The following CTNNA3 variants were observed in gnomAD, a reference collection of about 807,000 sequenced individuals.
CTNNA3 encodes the protein catenin alpha-3.
A neutral mutation model predicts 95.7 loss-of-function variants in CTNNA3; 76 were observed. The ratio of observed to expected loss-of-function variants is 0.79; its 90% confidence interval spans 0.66 to 0.96. The LOEUF is 0.96. CTNNA3 is among the 40% of genes least tolerant of loss of function. CTNNA3 has a pLI of 0.00. For synonymous variants in CTNNA3, 431 were observed against 374.4 expected (o/e 1.15, Z -1.74); for missense variants, 1,191 against 1,089.8 (o/e 1.09, Z -1.31).
At chr10:66,835,319 G>A (rs371661203) in intron 7 of CTNNA3, among the ~76,000 whole-genome samples, 59 of 152,126 alleles carry the variant, frequency 3.9e-4, no homozygotes, top group Non-Finnish European at 6.9e-4. Flanking sequence ...CAAGGGTGGC[G>A]CCTGGACCAG....
chr10:66,987,077 C>A (rs911783624), intron 7 of CTNNA3, among the ~76,000 whole-genome samples: 3 of 152,096 alleles, frequency 2.0e-5, no homozygotes, highest in Non-Finnish European at 4.4e-5. Flanking sequence ...GTGCAAAAGT[C>A]CCGACGTGAA....
chr10:66,552,091 G>T (rs1320831146), intron 10 of CTNNA3, among the ~76,000 whole-genome samples: 1 of 151,758 alleles, frequency 6.6e-6, no homozygotes, highest in Admixed American at 6.6e-5. Context: ...TTTTAGGAGA[G>T]ACGGGGTTTC....
At chr10:66,541,395 A>AT (rs1263313894) in intron 10 of CTNNA3, among the ~76,000 whole-genome samples, 2 of 151,774 alleles carry the variant, frequency 1.3e-5, no homozygotes, top group East Asian at 1.9e-4. Context: ...AAACTCAACA[A>AT]TTTTTTTTCT....
At chr10:67,499,470 T>A (rs996500489) in intron 5 of CTNNA3, among the ~76,000 whole-genome samples, 3 of 152,198 alleles carry the variant, frequency 2.0e-5, no homozygotes, top group African/African-American at 7.2e-5. Context: ...GAGGAGTCCC[T>A]CATTTTCTAT....
At chr10:66,637,784 C>T (rs1845385553) in intron 9 of CTNNA3, among the ~76,000 whole-genome samples, 1 of 152,122 alleles carries the variant, frequency 6.6e-6, no homozygotes, top group Non-Finnish European at 1.5e-5. Context: ...CCAATAAAAG[C>T]CCAGTTCATT....
At chr10:67,714,242 A>G (rs192968816) in intron 1 of CTNNA3, among the ~76,000 whole-genome samples, 17 of 152,208 alleles carry the variant, frequency 1.1e-4, no homozygotes, top group African/African-American at 3.9e-4. Context: ...AGCCACAGAC[A>G]CTCAATGCCA....
chr10:67,349,327 A>G (rs1673280619), intron 5 of CTNNA3, among the ~76,000 whole-genome samples: 2 of 149,008 alleles, frequency 1.3e-5, no homozygotes, highest in South Asian at 4.1e-4. Context: ...AAATGAATGA[A>G]TAAAGAAAAT....
intron 15 of CTNNA3, among the ~76,000 whole-genome samples, chr10:66,036,579 T>C (rs1589276343): frequency 1.3e-5 from 2 of 152,152 alleles, no homozygotes; most frequent in Admixed American, 6.5e-5. Flanking sequence ...TTTTGCCGTA[T>C]TGGCCAGGCT....
chr10:66,655,178 T>C (rs1427074398), intron 9 of CTNNA3, among the ~76,000 whole-genome samples: 1 of 152,078 alleles, frequency 6.6e-6, no homozygotes, highest in Non-Finnish European at 1.5e-5. Context: ...TTTTAAAACA[T>C]CATGTGGTAC....
At chr10:66,449,849 T>C (rs7071151) in intron 11 of CTNNA3, among the ~76,000 whole-genome samples, 58,119 of 151,928 alleles carry the variant, frequency 0.38, 11,680 homozygotes, top group African/African-American at 0.5. Context: ...AAAATGCACA[T>C]ACTGGATGGA....
At chr10:66,994,942 C>T (rs184347172) in intron 7 of CTNNA3, among the ~76,000 whole-genome samples, 55 of 152,256 alleles carry the variant, frequency 3.6e-4, no homozygotes, top group African/African-American at 1.3e-3. Context: ...TACCACAACA[C>T]ACTGCCAAGA....
intron 11 of CTNNA3, among the ~76,000 whole-genome samples, chr10:66,479,832 G>A (rs781673822): frequency 2.6e-5 from 4 of 151,684 alleles, no homozygotes; most frequent in Non-Finnish European, 5.9e-5. Context: ...TTTGTTATCT[G>A]GTTTGTGTTT....
chr10:67,695,028 A>G (rs1384184692), intron 1 of CTNNA3, among the ~76,000 whole-genome samples: 2 of 152,180 alleles, frequency 1.3e-5, no homozygotes, highest in East Asian at 1.9e-4. Flanking sequence ...TGAAATTTTA[A>G]TAGCACACTC....
chr10:67,387,254 A>AG (rs1410741097), intron 5 of CTNNA3, among the ~76,000 whole-genome samples: 1 of 152,186 alleles, frequency 6.6e-6, no homozygotes, highest in Non-Finnish European at 1.5e-5. Context: ...GGGAAGCGCA[A>AG]GGGGTCAGGG....
intron 5 of CTNNA3, among the ~76,000 whole-genome samples, chr10:67,379,835 A>C (rs1017585376): frequency 2.6e-5 from 4 of 151,720 alleles, no homozygotes; most frequent in African/African-American, 7.3e-5. Context: ...TCCCGGCTAA[A>C]ACGGTGAAAC....
At chr10:66,134,119 C>T (rs548164954) in intron 13 of CTNNA3, among the ~76,000 whole-genome samples, 1 of 151,924 alleles carries the variant, frequency 6.6e-6, no homozygotes, top group African/African-American at 2.4e-5. Flanking sequence ...CATGCAACTC[C>T]GATAAAAAGC....
At chr10:67,220,585 G>A (rs562853115) in intron 5 of CTNNA3, among the ~76,000 whole-genome samples, 1 of 152,264 alleles carries the variant, frequency 6.6e-6, no homozygotes, top group East Asian at 1.9e-4. Flanking sequence ...ACACAAAAGT[G>A]AAGTGTCATA....
chr10:66,748,997 C>A (rs1839005140), intron 9 of CTNNA3, among the ~76,000 whole-genome samples: 1 of 150,000 alleles, frequency 6.7e-6, no homozygotes, highest in Admixed American at 6.6e-5. Context: ...CATAGTGAAA[C>A]CCCATCTCTT....
At chr10:67,498,500 A>G (rs954426522) in intron 5 of CTNNA3, among the ~76,000 whole-genome samples, 1 of 152,136 alleles carries the variant, frequency 6.6e-6, no homozygotes, top group African/African-American at 2.4e-5. Flanking sequence ...TGGGGATGGC[A>G]TTGAATCTAT....
Sources: gnomAD v4.1 joint callset for allele counts (sites outside exome capture counted in the v4.1 genomes callset) on GRCh38, gnomAD v4.1.1 for gene constraint, MANE v1.5 for transcripts, NCBI Gene and HGNC (gene_info 2026-07-23, HGNC 2026-07-21) for gene names.